Variants in SH3PXD2B observed in about 807,000 individuals in gnomAD.
SH3PXD2B encodes the protein SH3 and PX domain-containing protein 2B.
In SH3PXD2B, 37 loss-of-function variants were observed where a neutral mutation model predicts 73.1. The observed-to-expected ratio is 0.51, with a 90% CI of 0.39 to 0.67. The LOEUF is 0.67. Ranked by LOEUF, SH3PXD2B falls within the 30% of genes least tolerant of loss-of-function variation. The pLI is 0.00. For synonymous variants in SH3PXD2B, 457 were observed against 480.5 expected (o/e 0.95, Z 0.64); for missense variants, 1,053 against 1,197.8 (o/e 0.88, Z 1.78).
At chr5:172,430,273 C>T (rs1207595748) in intron 1 of SH3PXD2B, among the ~76,000 whole-genome samples, 3 of 152,216 alleles carry the variant, frequency 2.0e-5, no homozygotes, top group East Asian at 1.9e-4. Flanking sequence ...TCCCACAGCC[C>T]GTCCCACCTC....
At position 172,406,089 on chromosome 5, in the gene SH3PXD2B, C is replaced by G. The variant is rs143719202; in HGVS notation, c.232+188G>C. 1.1e-4 allele frequency among the ~76,000 whole-genome samples: 17 copies of G among 152,290 alleles called. 1 individual carries two copies. In the East Asian group the frequency reaches 3.1e-3, roughly 28 times the overall value. On this transcript the variant is annotated intron_variant, in intron 3 of 12. Coordinates refer to ENST00000311601, the MANE Select transcript of SH3PXD2B (RefSeq NM_001017995.3). ...GTCACTGCCAAGGTCTGATTTTTCA[C>G]TCATGTAAAAATACAAAAAATTGCA...
Position 172,445,609 on chromosome 5 carries a change from T to C in SH3PXD2B, c.75+8669A>G, listed in dbSNP as rs1363300396. 1.3e-5 allele frequency among the ~76,000 whole-genome samples: 2 copies of C among 152,220 alleles called. No individual in the cohort carries two copies. The highest frequency in any genetic ancestry group is 2.9e-5 in the Non-Finnish European group (2 of 68,042). ...AATAGGATGACCAGTAAAATCTGAA[T>C]TTCGGATAAACAACAAATAATTGTT... On this transcript the variant is annotated intron_variant, in intron 1 of 12. Transcript: ENST00000311601. This position sits in a 1 kb window ranked among gnomAD's most constrained non-coding sequence, Gnocchi z 5.2.
chr5:172,381,891 C>T lies in SH3PXD2B; in HGVS notation c.401+145G>A, dbSNP rs989668496. The stretch of plus-strand genomic sequence containing the variant: ...CGATCGCTACCCACTTACAGCAACT[C>T]TGAAGGCTAAGTGAAGTGCGGTCTC... On this transcript the variant is annotated intron_variant, in intron 5 of 12. Coordinates refer to ENST00000311601, the MANE Select transcript of SH3PXD2B (RefSeq NM_001017995.3). 4.5e-5 allele frequency: 28 copies of T among 628,850 alleles called. No individual in the cohort carries two copies. In the African/African-American group the frequency reaches 5.2e-4, roughly 12 times the overall value. 39.0% of individuals were successfully genotyped at this position (628,850 alleles called of 1,614,324 possible).
chr5:172,446,712 A>G (rs1449027507), intron 1 of SH3PXD2B, among the ~76,000 whole-genome samples: 1 of 152,170 alleles, frequency 6.6e-6, no homozygotes, highest in African/African-American at 2.4e-5. Flanking sequence ...CACACCTCTA[A>G]CCTGGATGAC....
In SH3PXD2B at chr5:172,428,553, G is replaced by A. The variant is rs537251897; in HGVS notation, c.76-6057C>T. On this transcript the variant is annotated intron_variant, in intron 1 of 12. Transcript: ENST00000311601. ...CCACCAGGTGAAAGGCTGTTGAACA[G>A]GACACTCACACGGTATCAAAGTATA... is the stretch of plus-strand genomic sequence containing the variant. Among the ~76,000 whole-genome samples the A allele has an allele frequency of 1.2e-4, 18 of 152,310 alleles. No individual in the cohort carries two copies. In the East Asian group the frequency reaches 3.1e-3, roughly 26 times the overall value.
At position 172,406,237 on chromosome 5, in the gene SH3PXD2B, GCCCCCAGTGTCCCAGTCTGAGA is replaced by G. The variant is rs1394431238; in HGVS notation, c.232+18_232+39del. 1 of 1,602,428 alleles carries G rather than the reference GCCCCCAGTGTCCCAGTCTGAGA, an allele frequency of 6.2e-7. No individual in the cohort carries two copies. Among genetic ancestry groups the G allele is most frequent in the Non-Finnish European group, 8.6e-7 (1 of 1,169,574 alleles). On this transcript the variant is annotated intron_variant, in intron 3 of 12. Coordinates refer to ENST00000311601, the MANE Select transcript of SH3PXD2B (RefSeq NM_001017995.3). ...CAAGGGCTCTGGGAACTGTAACAGA[GCCCCCAGTGTCCCAGTCTGAGA>G]GCACCCATCTCACCTACCTGGCAGA...
At chr5:172,435,385 T>A (rs988885344) in intron 1 of SH3PXD2B, among the ~76,000 whole-genome samples, 1 of 152,174 alleles carries the variant, frequency 6.6e-6, no homozygotes. Context: ...TGGTCCTGTG[T>A]TAGTGGAATT....
In SH3PXD2B at chr5:172,335,391, T is replaced by C; in HGVS notation, c.*2978A>G. ...AGCCCTCCGCACACTTCCCTGCTAA[T>C]GGCAGAGAAAAGTCATGGACACGAG... On this transcript the variant is annotated 3_prime_UTR_variant, in exon 13 of 13. Coordinates refer to ENST00000311601, the MANE Select transcript of SH3PXD2B (RefSeq NM_001017995.3). 1.6e-6 allele frequency: 2 copies of C among 1,224,218 alleles called. No individual in the cohort carries two copies. The highest frequency in any genetic ancestry group is 2.0e-6 in the Non-Finnish European group (2 of 983,836). 75.8% of individuals were successfully genotyped at this position (1,224,218 alleles called of 1,614,324 possible). A position where few individuals can be genotyped will look rare whatever the true frequency, so the allele number is the denominator to read the frequency against.
chr5:172,334,396 C>A lies in SH3PXD2B; in HGVS notation c.*3973G>T. Reference sequence around the variant, plus strand: ...CGCCCTGCACCCTCAGGCCTCGATGCATGCTGCTCTACCTCTCATCAGCCC... The same window carrying A: ...CGCCCTGCACCCTCAGGCCTCGATGAATGCTGCTCTACCTCTCATCAGCCC... On this transcript the variant is annotated 3_prime_UTR_variant, in exon 13 of 13. Coordinates refer to ENST00000311601, the MANE Select transcript of SH3PXD2B (RefSeq NM_001017995.3). 1.0e-6 allele frequency: 1 copy of A among 990,990 alleles called. No homozygotes were observed. The highest frequency in any genetic ancestry group is 1.2e-6 in the Non-Finnish European group (1 of 834,278). The allele number at this position is 990,990 out of a possible 1,614,324, so 61.4% of individuals were successfully genotyped here.
intron 1 of SH3PXD2B, among the ~76,000 whole-genome samples, chr5:172,441,819 C>A (rs139149150): frequency 2.0e-5 from 3 of 152,164 alleles, no homozygotes; most frequent in African/African-American, 7.2e-5. Flanking sequence ...GGACAGCCAC[C>A]TTTTAGGGGT....
In SH3PXD2B at chr5:172,368,468, T is replaced by TA. The variant is rs1327821682; in HGVS notation, c.427+5321_427+5322insT. On this transcript the variant is annotated intron_variant, in intron 6 of 12. Transcript: ENST00000311601. ...CTAAGAATGCTTATATATATATATA[T>TA]TATATATATATATAAAATATATATA... Among the ~76,000 whole-genome samples, 21 of 12,998 alleles carry TA rather than the reference T, an allele frequency of 1.6e-3. 1 individual carries two copies. Among genetic ancestry groups the TA allele is most frequent in the South Asian group, 2.4e-3 (1 of 416 alleles). 8.5% of individuals were successfully genotyped at this position (12,998 alleles called of 152,430 possible).
intron 8 of SH3PXD2B, among the ~76,000 whole-genome samples, chr5:172,355,791 G>A (rs1168063519): frequency 2.0e-5 from 3 of 152,148 alleles, no homozygotes; most frequent in East Asian, 1.9e-4. Context: ...TGATCCGCCC[G>A]CCTCGGCCTC....
chr5:172,366,711 C>A (rs1175206142), intron 6 of SH3PXD2B, among the ~76,000 whole-genome samples: 1 of 151,830 alleles, frequency 6.6e-6, no homozygotes, highest in Non-Finnish European at 1.5e-5. Context: ...CGGCTCACTG[C>A]ACTCTCTGCC....
intron 3 of SH3PXD2B, 26 bp from the exon 4 acceptor site, chr5:172,394,665 T>A (rs1758256500): frequency 6.2e-6 from 10 of 1,612,614 alleles, no homozygotes; most frequent in Non-Finnish European, 6.8e-6. Flanking sequence ...GCAAAGACAG[T>A]GTTGTCAGGG....
chr5:172,409,177 A>T (rs7710162), intron 2 of SH3PXD2B, among the ~76,000 whole-genome samples: 1 of 152,038 alleles, frequency 6.6e-6, no homozygotes, highest in African/African-American at 2.4e-5. Flanking sequence ...AGGTCAGGAG[A>T]TCGAGACCAG....
intron 1 of SH3PXD2B, among the ~76,000 whole-genome samples, chr5:172,453,457 C>A (rs1056711216): frequency 6.6e-6 from 1 of 152,166 alleles, no homozygotes; most frequent in African/African-American, 2.4e-5. Flanking sequence ...TAGGTTGCTG[C>A]GGAAGCCACT....
At chr5:172,400,485 AC>A (rs201712685) in intron 3 of SH3PXD2B, among the ~76,000 whole-genome samples, 3,423 of 152,078 alleles carry the variant, frequency 0.023, 136 homozygotes, top group African/African-American at 0.078. Flanking sequence ...TAAAGGCATT[AC>A]CCCCCTGAGG....
At chr5:172,431,519 A>C (rs910368543) in intron 1 of SH3PXD2B, among the ~76,000 whole-genome samples, 2 of 152,248 alleles carry the variant, frequency 1.3e-5, no homozygotes, top group African/African-American at 4.8e-5. Flanking sequence ...TGGCATGATG[A>C]GGGTTTTTGT....
chr5:172,382,041 G>C lies in SH3PXD2B; in HGVS notation c.396C>G (p.Pro132=), dbSNP rs1193450443. 6.2e-7 allele frequency: 1 copy of C among 1,610,578 alleles called. No individual in the cohort carries two copies. Among genetic ancestry groups the C allele is most frequent in the Non-Finnish European group, 8.5e-7 (1 of 1,178,702 alleles). Residue 132 remains proline, a synonymous_variant, in exon 5 of 13, where the codon CCC becomes CCG. Transcript: ENST00000311601. ...FETRPEDLNP[P]KEEHIGKKKS... ...AAGCCCACAAACAAACTTACTCTTT[G>C]GGGGGATTCAGGTCCTCAGGTCTTG...
Sources: gnomAD v4.1 joint callset for allele counts (sites outside exome capture counted in the v4.1 genomes callset) on GRCh38, gnomAD v4.1.1 for gene constraint, Gnocchi (gnomAD v3.1) non-coding constraint, MANE v1.5 for transcripts, NCBI Gene and HGNC (gene_info 2026-07-23, HGNC 2026-07-21) for gene names.